The following ITIH5 variants were observed in gnomAD, a reference collection of about 807,000 sequenced individuals.
The protein encoded by ITIH5 is inter-alpha-trypsin inhibitor heavy chain 5.
A neutral mutation model predicts 77.5 loss-of-function variants in ITIH5; 65 were observed. That is an observed-to-expected ratio of 0.84 (90% CI 0.69 to 1.03). The LOEUF (loss-of-function observed/expected upper bound fraction) is 1.03. Among genes scored for constraint, ITIH5 ranks in the 50% least tolerant of loss-of-function variants. The pLI is 0.00. For missense variants in ITIH5, 1,208 were observed against 1,213.1 expected (o/e 1.00, Z 0.06); for synonymous variants, 525 against 494.3 (o/e 1.06, Z -0.82).
At chr10:7,595,691 C>A (rs1832880902) in intron 7 of ITIH5, among the ~76,000 whole-genome samples, 1 of 152,062 alleles carries the variant, frequency 6.6e-6, no homozygotes. Context: ...TAAATTCTTC[C>A]AGGCACAAGG....
At chr10:7,596,065 C>A (rs1832889001) in intron 7 of ITIH5, among the ~76,000 whole-genome samples, 2 of 152,288 alleles carry the variant, frequency 1.3e-5, no homozygotes, top group South Asian at 4.1e-4. Context: ...ATTCTCCATC[C>A]CTTCAGTACA....
intron 2 of ITIH5, among the ~76,000 whole-genome samples, chr10:7,645,768 A>G (rs901174063): frequency 1.3e-5 from 2 of 152,230 alleles, no homozygotes; most frequent in Non-Finnish European, 1.5e-5. Context: ...GATTAGGATT[A>G]AAAAAGAGAC....
chr10:7,658,151 A>C (rs1485657737), intron 1 of ITIH5, among the ~76,000 whole-genome samples: 1 of 152,232 alleles, frequency 6.6e-6, no homozygotes, highest in African/African-American at 2.4e-5. Flanking sequence ...ATGTGCATCA[A>C]AGTGCTAATC....
chr10:7,598,558 T>C (rs1832954497), intron 7 of ITIH5, among the ~76,000 whole-genome samples: 1 of 152,216 alleles, frequency 6.6e-6, no homozygotes, highest in African/African-American at 2.4e-5. Context: ...TTTTAAAATA[T>C]ATTATTTTAA....
intron 2 of ITIH5, among the ~76,000 whole-genome samples, chr10:7,647,025 C>T (rs1368038231): frequency 1.3e-5 from 2 of 152,166 alleles, no homozygotes; most frequent in Non-Finnish European, 2.9e-5. Context: ...ATGCAATCTG[C>T]CACTGAACAA....
At chr10:7,644,391 T>C (rs1833940584) in intron 2 of ITIH5, among the ~76,000 whole-genome samples, 2 of 145,766 alleles carry the variant, frequency 1.4e-5, no homozygotes, top group African/African-American at 5.0e-5. Flanking sequence ...ATATATCACA[T>C]ATATCACATA....
intron 11 of ITIH5, 141 bp from the exon 12 acceptor site, chr10:7,569,925 C>T (rs1832264214): frequency 3.6e-6 from 2 of 551,592 alleles, no homozygotes; most frequent in South Asian, 5.8e-5. Context: ...CCTCAATTTC[C>T]AGATGAGGAA....
rs1491441999 is a variant in ITIH5 at position 7,624,817 on chromosome 10, A to AT, written c.653-7536dup. On this transcript the variant is annotated intron_variant, in intron 5 of 13. Transcript: ENST00000397146. ...AAAAAAAATATATATATATATACAC[A>AT]TATATATGTGTATATACATGTATAT... Among the ~76,000 whole-genome samples, 10 of 6,802 alleles carry AT rather than the reference A, an allele frequency of 1.5e-3. 2 individuals carry two copies. The East Asian group carries it at 0.2, about 139-fold the overall frequency. The allele number at this position is 6,802 out of a possible 152,430, so 4.5% of individuals were successfully genotyped here.
intron 5 of ITIH5, chr10:7,619,675 C>G (rs991817146): frequency 2.2e-5 from 6 of 268,388 alleles, no homozygotes; most frequent in East Asian, 1.1e-4. Context: ...GAGCGAGAGA[C>G]AGAACTGGGA....
Position 7,579,806 on chromosome 10 carries a change from C to T in ITIH5, c.1367G>A (p.Gly456Asp), listed in dbSNP as rs940463193. 7 of 1,614,070 alleles carry T rather than the reference C, an allele frequency of 4.3e-6. No homozygotes were observed. The Admixed American group carries it at 5.0e-5, about 12-fold the overall frequency. The part of the protein sequence containing the change: ...LLEKLSLENC[G>D]LTRRVHEEED... The stretch of plus-strand genomic sequence containing the variant: ...CTCCTCGTGCACGCGCCGTGTGAGG[C>T]CACAGTTCTCCAGCGACAGTTTCTC... Residue 456 changes from glycine to aspartate, a missense_variant, in exon 9 of 14, where the codon GGC becomes GAC. By Grantham distance (94) the Gly-to-Asp change is moderately conservative. Transcript: ENST00000397146.
At chr10:7,583,446 C>T (rs1390536973) in intron 8 of ITIH5, among the ~76,000 whole-genome samples, 1 of 152,216 alleles carries the variant, frequency 6.6e-6, no homozygotes, top group African/African-American at 2.4e-5. Flanking sequence ...AATTCTCCTG[C>T]CTCAGCCTCC....
rs756326996 is a variant in ITIH5, at chr10:7,566,393, C to T, written c.2164G>A (p.Gly722Arg). 16 of 1,598,006 alleles carry T rather than the reference C, an allele frequency of 1.0e-5. No individual in the cohort carries two copies. The highest frequency in any genetic ancestry group is 9.0e-5 in the East Asian group (4 of 44,434). Residue 722 changes from glycine (G) to arginine (R), a missense_variant, in exon 13 of 14, where the codon GGA (glycine) becomes AGA (arginine). Physicochemically the swap from Gly to Arg is moderately radical, Grantham distance 125 (BLOSUM62 -2). Coordinates refer to ENST00000397146, the MANE Select transcript of ITIH5 (RefSeq NM_030569.7). ...GGGGCGGGTGCCCCAATTAACTCTCCGTTCACTGTGACACCTCAAAGGCCA... is the reference window on the plus strand; with the variant it reads ...GGGGCGGGTGCCCCAATTAACTCTCTGTTCACTGTGACACCTCAAAGGCCA... ...DHRDSGVTVN[G>R]ELIGAPAPPN...
chr10:7,569,782 C>A lies in ITIH5; in HGVS notation c.2035G>T (p.Asp679Tyr), dbSNP rs1282861380. 6.3e-7 allele frequency: 1 copy of A among 1,595,568 alleles called. No individual in the cohort carries two copies. The highest frequency in any genetic ancestry group is 8.6e-7 in the Non-Finnish European group (1 of 1,169,396). ...TCCACAACAAAGTGGGGATCACCATCCACTGCCAGAGCAGAAGAAAACGGA... is the reference window on the plus strand; with the variant it reads ...TCCACAACAAAGTGGGGATCACCATACACTGCCAGAGCAGAAGAAAACGGA... ...PRIKISKTSVDGDPHFVVDFP... is the reference protein window; with the variant it reads ...PRIKISKTSVYGDPHFVVDFP... Residue 679 changes from aspartate to tyrosine, a missense_variant and splice_region_variant, in exon 12 of 14, where the codon GAT becomes TAT. Physicochemically the swap from Asp to Tyr is radical, Grantham distance 160. Transcript: ENST00000397146.
At chr10:7,597,044 C>CAAAAAAAAAAAAAA (rs71383924) in intron 7 of ITIH5, among the ~76,000 whole-genome samples, 4,766 of 36,700 alleles carry the variant, frequency 0.13, 1,364 homozygotes, top group Non-Finnish European at 0.22. Flanking sequence ...GTCTCCAACT[C>CAAAAAAAAAAAAAA]AAAAAAAAAA....
In ITIH5 at chr10:7,573,092, T is replaced by C. The variant is rs774375805; in HGVS notation, c.2032+50A>G. ...TACACCTGGCCTGGTTTTACACTTTTTAAACATCTCTTACTCTCAATCCAC... is the reference window on the plus strand; with the variant it reads ...TACACCTGGCCTGGTTTTACACTTTCTAAACATCTCTTACTCTCAATCCAC... On this transcript the variant is annotated intron_variant, in intron 11 of 13. Transcript: ENST00000397146. The C allele has an allele frequency of 2.6e-6, 4 of 1,568,342 alleles. No individual in the cohort carries two copies. In the South Asian group the frequency reaches 4.4e-5, roughly 17 times the overall value.
chr10:7,633,962 G>A (rs111450042), intron 5 of ITIH5, among the ~76,000 whole-genome samples: 2 of 151,878 alleles, frequency 1.3e-5, no homozygotes, highest in African/African-American at 4.8e-5. Flanking sequence ...GGTGGTGGGC[G>A]CCTGTAATCC....
intron 7 of ITIH5, among the ~76,000 whole-genome samples, chr10:7,595,323 C>T (rs1832872931): frequency 7.0e-6 from 1 of 142,842 alleles, no homozygotes; most frequent in South Asian, 2.4e-4. Flanking sequence ...CAGATAGATA[C>T]ACTTAGTAAA....
intron 8 of ITIH5, among the ~76,000 whole-genome samples, chr10:7,584,169 A>G (rs538862949): frequency 3.5e-4 from 53 of 152,352 alleles, no homozygotes; most frequent in African/African-American, 1.3e-3. Flanking sequence ...CTTAGAGAGA[A>G]GCAGGCTGAT....
chr10:7,594,209 G>A (rs543611473), intron 7 of ITIH5, among the ~76,000 whole-genome samples: 47 of 152,284 alleles, frequency 3.1e-4, no homozygotes, highest in African/African-American at 9.9e-4. Flanking sequence ...CAAGATCCCC[G>A]TTCAGAGTCC....
Sources: gnomAD v4.1 joint callset for allele counts (sites outside exome capture counted in the v4.1 genomes callset) on GRCh38, gnomAD v4.1.1 for gene constraint, MANE v1.5 for transcripts, NCBI Gene and HGNC (gene_info 2026-07-23, HGNC 2026-07-21) for gene names.